Variants in NUP210L observed in about 807,000 individuals in gnomAD.
The protein encoded by NUP210L is nuclear pore membrane glycoprotein 210-like.
NUP210L carries 74 observed loss-of-function variants against 208.5 expected under a neutral mutation model. The observed-to-expected ratio is 0.35, with a 90% CI of 0.29 to 0.43. NUP210L has a LOEUF of 0.43. NUP210L is among the 20% of genes least tolerant of loss of function. NUP210L has a pLI of 1.00. For synonymous variants in NUP210L, 780 were observed against 816.9 expected, an observed-to-expected ratio of 0.95 and a Z score of 0.77; for missense variants, 1,843 against 2,289.4, an observed-to-expected ratio of 0.81 and a Z score of 3.98.
intron 2 of NUP210L, among the ~76,000 whole-genome samples, chr1:154,145,905 G>T (rs1659089085): frequency 6.6e-6 from 1 of 152,144 alleles, no homozygotes; most frequent in African/African-American, 2.4e-5. Context: ...CTGGCACCCA[G>T]ATCTTGGTTT....
intron 27 of NUP210L, among the ~76,000 whole-genome samples, chr1:154,041,731 C>T (rs1652891136): frequency 6.6e-6 from 1 of 151,966 alleles, no homozygotes; most frequent in African/African-American, 2.4e-5. Flanking sequence ...GACTGGATAG[C>T]GAGGATTAGA....
intron 12 of NUP210L, among the ~76,000 whole-genome samples, chr1:154,106,670 G>A (rs79345081): frequency 6.6e-6 from 1 of 152,298 alleles, no homozygotes; most frequent in Non-Finnish European, 1.5e-5. Flanking sequence ...GAGAGAGAGA[G>A]ACTCTGTTTG....
chr1:154,135,673 G>A (rs551367684), intron 7 of NUP210L, 141 bp downstream of exon 7: 28 of 632,476 alleles, frequency 4.4e-5, no homozygotes, highest in East Asian at 9.7e-5. Flanking sequence ...AGCCCGCCTC[G>A]GCCTCCCAAA....
chr1:154,111,468 C>T (rs1471415398), intron 12 of NUP210L, among the ~76,000 whole-genome samples: 1 of 150,754 alleles, frequency 6.6e-6, no homozygotes, highest in Non-Finnish European at 1.5e-5. Context: ...ACAGCCAATA[C>T]CACAGAAATT....
chr1:154,105,486 T>TA (rs11336927), intron 12 of NUP210L, among the ~76,000 whole-genome samples: 7 of 147,556 alleles, frequency 4.7e-5, no homozygotes, highest in African/African-American at 1.7e-4. Flanking sequence ...AAAAATCCGT[T>TA]AAAAAAAAAA....
chr1:154,039,424 G>C (rs1652737601), intron 27 of NUP210L, among the ~76,000 whole-genome samples: 1 of 151,674 alleles, frequency 6.6e-6, no homozygotes, highest in Non-Finnish European at 1.5e-5. Flanking sequence ...AGTAGAGACG[G>C]GGGGTTTCAC....
chr1:153,993,072 T>G (rs746290203), exon 39 of NUP210L: 1 of 1,613,416 alleles, frequency 6.2e-7, no homozygotes, highest in South Asian at 1.1e-5. Flanking sequence ...TGTATCTTGT[T>G]TAGGAAGGCA....
chr1:154,056,186 C>G (rs1653862357), intron 23 of NUP210L, among the ~76,000 whole-genome samples: 1 of 152,202 alleles, frequency 6.6e-6, no homozygotes, highest in African/African-American at 2.4e-5. Context: ...GGGTATCATT[C>G]TGTCACCCAG....
intron 25 of NUP210L, among the ~76,000 whole-genome samples, chr1:154,051,312 C>T (rs1222556106): frequency 6.6e-6 from 1 of 152,112 alleles, no homozygotes; most frequent in Non-Finnish European, 1.5e-5. Flanking sequence ...TGGGTTCACG[C>T]CATTCTCCTG....
chr1:154,146,052 T>C (rs1333587512), intron 2 of NUP210L, among the ~76,000 whole-genome samples: 1 of 152,042 alleles, frequency 6.6e-6, no homozygotes, highest in Non-Finnish European at 1.5e-5. Flanking sequence ...TATAATTCTT[T>C]AATATAAAGA....
chr1:154,036,708 C>T (rs1652576612), intron 27 of NUP210L, among the ~76,000 whole-genome samples: 1 of 151,920 alleles, frequency 6.6e-6, no homozygotes, highest in African/African-American at 2.4e-5. Context: ...CTTTGTTGCT[C>T]AGGCTGGAGT....
At chr1:154,099,830 T>C (rs1656372542) in intron 14 of NUP210L, among the ~76,000 whole-genome samples, 168 bp downstream of exon 14, 1 of 152,188 alleles carries the variant, frequency 6.6e-6, no homozygotes, top group Admixed American at 6.5e-5. Context: ...CCCTGGAGAC[T>C]TAGGTTTGAG....
intron 3 of NUP210L, among the ~76,000 whole-genome samples, chr1:154,143,235 T>C (rs1658948062): frequency 6.6e-6 from 1 of 151,150 alleles, no homozygotes; most frequent in Admixed American, 6.6e-5. Flanking sequence ...AGTTCTGAGA[T>C]AACTAACAAT....
intron 22 of NUP210L, 118 bp from the exon 23 acceptor site, chr1:154,057,065 A>G (rs1653907785): frequency 6.7e-6 from 6 of 893,604 alleles, no homozygotes; most frequent in Non-Finnish European, 1.0e-5. Flanking sequence ...TGCAGCCTCA[A>G]CCTCCCAGAC....
intron 16 of NUP210L, among the ~76,000 whole-genome samples, chr1:154,071,803 T>C (rs986340954): frequency 4.0e-5 from 6 of 151,630 alleles, no homozygotes; most frequent in Non-Finnish European, 8.8e-5. Flanking sequence ...GCCCGGCTAA[T>C]TTTTTTGTAT....
At chr1:154,060,768 A>T (rs1201537286) in intron 19 of NUP210L, 127 bp from the exon 20 acceptor site, 6 of 769,894 alleles carry the variant, frequency 7.8e-6, no homozygotes, top group Non-Finnish European at 1.3e-5. Flanking sequence ...CAAAAGACAA[A>T]ATACAATTAT....
intron 2 of NUP210L, among the ~76,000 whole-genome samples, chr1:154,151,887 G>A (rs975755539): frequency 6.6e-6 from 1 of 151,726 alleles, no homozygotes; most frequent in Non-Finnish European, 1.5e-5. Flanking sequence ...TCGGGAGTTT[G>A]AGACCAGCCT....
At chr1:154,153,674 G>A (rs1321489566) in intron 1 of NUP210L, among the ~76,000 whole-genome samples, 1 of 152,020 alleles carries the variant, frequency 6.6e-6, no homozygotes, top group Non-Finnish European at 1.5e-5. Context: ...TCAAACTCCT[G>A]GCCTCAAGTA....
At chr1:154,068,189 C>G (rs543494841) in intron 17 of NUP210L, among the ~76,000 whole-genome samples, 1 of 152,248 alleles carries the variant, frequency 6.6e-6, no homozygotes, top group South Asian at 2.1e-4. Context: ...AACTATATTA[C>G]AAGGCTACAG....
Sources: allele counts gnomAD v4.1 joint callset (sites outside exome capture counted in the v4.1 genomes callset), GRCh38; gene constraint gnomAD v4.1.1; transcripts MANE v1.5; gene names NCBI Gene and HGNC (gene_info 2026-07-23, HGNC 2026-07-21).